Variants in ZNF507 observed in about 807,000 individuals in gnomAD.
ZNF507 encodes zinc finger protein 507.
ZNF507 carries 29 observed loss-of-function variants against 80.0 expected under a neutral mutation model. The observed-to-expected ratio is 0.36, with a 90% CI of 0.27 to 0.49. The LOEUF (loss-of-function observed/expected upper bound fraction) is 0.49, where lower values mean the gene tolerates loss of function less well. ZNF507 is among the 20% of genes least tolerant of loss of function. The pLI is 0.98. For synonymous variants in ZNF507, 462 were observed against 422.5 expected (o/e 1.09, Z -1.15); for missense variants, 1,081 against 1,152.2 (o/e 0.94, Z 0.90).
Position 32,353,680 on chromosome 19 carries a change from G to A in ZNF507, c.850G>A (p.Glu284Lys). The change falls in exon 3 of 7, where the codon GAA (glutamate) becomes AAA (lysine). Residue 284 changes from glutamate (E) to lysine (K), a missense_variant. Glu to Lys is a moderately conservative substitution (Grantham distance 56, BLOSUM62 1). This residue lies in a region of ZNF507 where 614 missense variants were observed against 583.9 expected (regional missense o/e 1.05). Transcript: ENST00000355898. ...VDCSYPIFEN[E>K]NEPLGLLDSS... ...TTGCTCCTATCCAATCTTTGAAAAT[G>A]AAAATGAACCCCTAGGCCTGCTGGA... 6.2e-7 allele frequency: 1 copy of A among 1,614,186 alleles called. No homozygotes were observed. Among genetic ancestry groups the A allele is most frequent in the Non-Finnish European group, 8.5e-7 (1 of 1,180,038 alleles).
At chr19:32,372,703 G>A (rs1396916887) in intron 5 of ZNF507, among the ~76,000 whole-genome samples, 2 of 145,402 alleles carry the variant, frequency 1.4e-5, no homozygotes, top group Non-Finnish European at 3.0e-5. Flanking sequence ...TCTTGGAAGA[G>A]CAGGAACTCA....
In ZNF507 at chr19:32,383,171, C is replaced by G. The variant is rs1295881259; in HGVS notation, c.*88C>G. ...TACGCTGTCAGACAACTTCCTGCCACAGAAGAAGTCGTTGATGTGATTTTT... is the reference window on the plus strand; with the variant it reads ...TACGCTGTCAGACAACTTCCTGCCAGAGAAGAAGTCGTTGATGTGATTTTT... On this transcript the variant is annotated 3_prime_UTR_variant, in exon 7 of 7. Transcript: ENST00000355898. 2 of 1,482,730 alleles carry G rather than the reference C, an allele frequency of 1.3e-6. No homozygotes were observed. The highest frequency in any genetic ancestry group is 1.4e-5 in the African/African-American group (1 of 70,718). The allele number at this position is 1,482,730 out of a possible 1,614,324, so 91.8% of individuals were successfully genotyped here.
chr19:32,360,541 T>A lies in ZNF507; in HGVS notation c.2283T>A (p.Asp761Glu), dbSNP rs947447582. Reference protein sequence around the residue: ...KSSVQKQYRCDVCDYTSTTYV... With the variant: ...KSSVQKQYRCEVCDYTSTTYV... Reference sequence around the variant, plus strand: ...CAGTCCAGAAACAATATAGATGTGATGTGTGTGATTATACAAGTACAACAT... The same window carrying A: ...CAGTCCAGAAACAATATAGATGTGAAGTGTGTGATTATACAAGTACAACAT... Residue 761 changes from aspartate to glutamate, a missense_variant, in exon 5 of 7, where the codon GAT becomes GAA. Asp to Glu is a conservative substitution (Grantham distance 45, BLOSUM62 2). Transcript: ENST00000355898. 3 of 1,600,908 alleles carry A rather than the reference T, an allele frequency of 1.9e-6. No individual in the cohort carries two copies. The highest frequency in any genetic ancestry group is 2.6e-6 in the Non-Finnish European group (3 of 1,174,424).
At chr19:32,382,378 A>G (rs1967634377) in intron 5 of ZNF507, 89 bp from the exon 6 acceptor site, 8 of 1,488,964 alleles carry the variant, frequency 5.4e-6, no homozygotes, top group Non-Finnish European at 7.3e-6. Flanking sequence ...GTTCGGAGGA[A>G]GGGCTATAAT....
chr19:32,350,616 T>C (rs1004439567), intron 2 of ZNF507, among the ~76,000 whole-genome samples: 2 of 152,054 alleles, frequency 1.3e-5, no homozygotes, highest in Admixed American at 1.3e-4. Flanking sequence ...TCTTATTAAG[T>C]AGAAGAAAGA....
Position 32,354,750 on chromosome 19 carries a change from C to G in ZNF507, c.1920C>G (p.Pro640=). ...AATACATCCCGAATGCTGAACGACC[C>G]TACCGTTGCCGCCTGTGTCACTACA... ...VVEYIPNAER[P]YRCRLCHYTS... The change falls in exon 3 of 7, where the codon CCC becomes CCG. Residue 640 remains proline, a synonymous_variant. Coordinates refer to ENST00000355898, the MANE Select transcript of ZNF507 (RefSeq NM_001136156.2). 2 of 1,614,148 alleles carry G rather than the reference C, an allele frequency of 1.2e-6. No individual in the cohort carries two copies. The highest frequency in any genetic ancestry group is 8.5e-7 in the Non-Finnish European group (1 of 1,180,012).
chr19:32,379,836 C>G (rs1410175635), intron 5 of ZNF507, among the ~76,000 whole-genome samples: 1 of 150,416 alleles, frequency 6.6e-6, no homozygotes, highest in Non-Finnish European at 1.5e-5. Flanking sequence ...TGAAAATAAA[C>G]CAATTTGTTT....
chr19:32,348,970 G>A (rs565065325), intron 2 of ZNF507, among the ~76,000 whole-genome samples: 1 of 152,196 alleles, frequency 6.6e-6, no homozygotes, highest in Non-Finnish European at 1.5e-5. Context: ...ATAATTCAAG[G>A]AAGGTATATT....
rs950330640 is a variant in ZNF507 at position 32,354,353 on chromosome 19, C to T, written c.1523C>T (p.Ala508Val). The part of the protein sequence containing the change: ...EALVTMPIRA[A>V]ELTRANLGHY... ...CTTGTCACAATGCCTATAAGAGCTG[C>T]AGAGTTGACAAGAGCCAACCTGGGG... Residue 508 changes from alanine to valine, a missense_variant, in exon 3 of 7, where the codon GCA becomes GTA. By Grantham distance (64) the Ala-to-Val change is moderately conservative (BLOSUM62 0). Transcript: ENST00000355898. 6.2e-7 allele frequency: 1 copy of T among 1,614,178 alleles called. No homozygotes were observed. Among genetic ancestry groups the T allele is most frequent in the Non-Finnish European group, 8.5e-7 (1 of 1,180,046 alleles).
rs978670966 is a variant in ZNF507, at chr19:32,370,641, C to T, written c.2360+10023C>T. Among the ~76,000 whole-genome samples the T allele has an allele frequency of 8.5e-5, 13 of 152,250 alleles. No homozygotes were observed. The East Asian group carries it at 1.9e-3, about 23-fold the overall frequency. ...TAAATTTTGGATATTAACCCCTTAT[C>T]GGATATGTGGTTTGCAGATATTTTT... On this transcript the variant is annotated intron_variant, in intron 5 of 6. Transcript: ENST00000355898.
At chr19:32,381,605 C>T (rs1008399537) in intron 5 of ZNF507, among the ~76,000 whole-genome samples, 1 of 152,134 alleles carries the variant, frequency 6.6e-6, no homozygotes, top group Non-Finnish European at 1.5e-5. Flanking sequence ...AAGACTCTAT[C>T]TCAAACAACA....
chr19:32,350,488 T>C (rs1967148493), intron 2 of ZNF507, among the ~76,000 whole-genome samples: 1 of 152,210 alleles, frequency 6.6e-6, no homozygotes, highest in African/African-American at 2.4e-5. Context: ...TCAGATTCTT[T>C]TGTATTAGTC....
intron 5 of ZNF507, among the ~76,000 whole-genome samples, chr19:32,363,349 ATTGT>A (rs1353158049): frequency 6.6e-6 from 1 of 152,182 alleles, no homozygotes; most frequent in Non-Finnish European, 1.5e-5. Context: ...CAAAAGATTT[ATTGT>A]TTATTTTAGT....
intron 5 of ZNF507, among the ~76,000 whole-genome samples, chr19:32,378,638 GCTTT>G (rs1967584238): frequency 1.1e-5 from 1 of 87,224 alleles, no homozygotes; most frequent in Non-Finnish European, 2.5e-5. Context: ...AAAATTAGAA[GCTTT>G]TTTTTTTTAA....
rs761977641 is a variant in ZNF507, at chr19:32,346,746, AAG to A, written c.-96-497_-96-496del. The stretch of plus-strand genomic sequence containing the variant: ...CTTTTAGATTTATTCCAGCCAGTAT[AAG>A]AAACAGTGGCAAAGAAATGTAGGAC... On this transcript the variant is annotated intron_variant, in intron 1 of 6. Transcript: ENST00000355898. Among the ~76,000 whole-genome samples, 3 of 152,354 alleles carry A rather than the reference AAG, an allele frequency of 2.0e-5. No homozygotes were observed. In the East Asian group the frequency reaches 5.8e-4, roughly 29 times the overall value.
chr19:32,373,237 A>G (rs1173028531), intron 5 of ZNF507, among the ~76,000 whole-genome samples: 2 of 151,942 alleles, frequency 1.3e-5, no homozygotes, highest in Non-Finnish European at 2.9e-5. Flanking sequence ...ATACATTCAG[A>G]TCATACCACT....
intron 5 of ZNF507, among the ~76,000 whole-genome samples, chr19:32,373,773 C>T (rs71351160): frequency 0.11 from 16,342 of 152,266 alleles, 1,498 homozygotes; most frequent in East Asian, 0.44. Flanking sequence ...AATTTTGCTT[C>T]CAGCATTATC....
At chr19:32,360,179 G>C (rs1199218169) in intron 4 of ZNF507, among the ~76,000 whole-genome samples, 1 of 152,202 alleles carries the variant, frequency 6.6e-6, no homozygotes, top group Non-Finnish European at 1.5e-5. Flanking sequence ...TGGTGATACA[G>C]ATCAACAGGG....
At chr19:32,356,787 TG>T (rs1173099470) in intron 4 of ZNF507, 54 bp downstream of exon 4, 2 of 1,353,368 alleles carry the variant, frequency 1.5e-6, no homozygotes, top group Admixed American at 3.4e-5. Context: ...GACATAAAAG[TG>T]CCCTTAGTTG....
Sources: allele counts gnomAD v4.1 joint callset (sites outside exome capture counted in the v4.1 genomes callset), GRCh38; gene constraint gnomAD v4.1.1; regional missense constraint gnomAD v4.1.1; transcripts MANE v1.5; gene names NCBI Gene and HGNC (gene_info 2026-07-23, HGNC 2026-07-21).